Variants in PDK3 observed in about 807,000 individuals in gnomAD.
The protein encoded by PDK3 is pyruvate dehydrogenase kinase, isozyme 3.
In PDK3, 12 loss-of-function variants were observed where a neutral mutation model predicts 32.0. That is an observed-to-expected ratio of 0.37 (90% CI 0.24 to 0.61). The LOEUF is 0.61. Ranked by LOEUF, PDK3 falls within the 20% of genes least tolerant of loss-of-function variation. The pLI is 0.65. For synonymous variants in PDK3, 122 were observed against 116.3 expected (o/e 1.05, Z -0.31); for missense variants, 188 against 316.9 (o/e 0.59, Z 3.09).
intron 6 of PDK3, among the ~76,000 whole-genome samples, chrX:24,520,388 A>G (rs1429254461): frequency 8.9e-6 from 1 of 111,886 alleles, no homozygotes. Context: ...CGAATAACGT[A>G]TGGGAAAAAT....
chrX:24,471,284 A>C (rs762840765), intron 1 of PDK3, among the ~76,000 whole-genome samples: 6 of 112,461 alleles, frequency 5.3e-5, no homozygotes, highest in Non-Finnish European at 1.1e-4. Context: ...CTGCTTTAGC[A>C]GCTGATGTGT....
chrX:24,496,808 GTC>G, intron 2 of PDK3, among the ~76,000 whole-genome samples: 1 of 69,212 alleles, frequency 1.4e-5, no homozygotes, highest in Middle Eastern at 0.013. Context: ...TTGAGACAGA[GTC>G]TCTCTCTGTT....
At chrX:24,483,972 C>T (rs922693859) in intron 1 of PDK3, among the ~76,000 whole-genome samples, 4 of 110,752 alleles carry the variant, frequency 3.6e-5, no homozygotes, top group Admixed American at 9.6e-5. Context: ...CCCCGGCCTA[C>T]CACTGGGATT....
exon 12 of PDK3, chrX:24,549,133 G>A (rs960889282): frequency 5.4e-5 from 6 of 111,586 alleles, no homozygotes; most frequent in Admixed American, 3.8e-4. Flanking sequence ...TCACTTTAGG[G>A]ATTTGACAAA....
intron 1 of PDK3, among the ~76,000 whole-genome samples, chrX:24,490,527 T>A (rs1380321223): frequency 9.0e-6 from 1 of 111,510 alleles, no homozygotes; most frequent in Non-Finnish European, 1.9e-5. Flanking sequence ...CTCTGAAAAT[T>A]GAATTTCTTT....
At chrX:24,487,239 C>CA (rs1420045274) in intron 1 of PDK3, among the ~76,000 whole-genome samples, 3 of 112,268 alleles carry the variant, frequency 2.7e-5, no homozygotes, top group African/African-American at 9.7e-5. Flanking sequence ...CCTAGTAAAT[C>CA]AAAAAATTAA....
chrX:24,485,802 A>G (rs900431611), intron 1 of PDK3, among the ~76,000 whole-genome samples: 1 of 111,396 alleles, frequency 9.0e-6, no homozygotes, highest in African/African-American at 3.3e-5. Context: ...CTCCGCCAAG[A>G]GCCCCACAGG....
chrX:24,516,229 C>G (rs991103047), intron 5 of PDK3, among the ~76,000 whole-genome samples: 2 of 111,183 alleles, frequency 1.8e-5, no homozygotes, highest in South Asian at 3.8e-4. Context: ...TTACTTTGCA[C>G]GGTATTGATG....
chrX:24,468,387 A>T (rs771307279), intron 1 of PDK3, among the ~76,000 whole-genome samples: 1 of 111,544 alleles, frequency 9.0e-6, no homozygotes, highest in Admixed American at 9.5e-5. Flanking sequence ...CTCCCACTCC[A>T]AGTCGTGACA....
In PDK3 at chrX:24,494,801, C is replaced by T; in HGVS notation, c.166C>T (p.Arg56Trp). 1.7e-6 allele frequency: 2 copies of T among 1,195,100 alleles called. No homozygotes were observed. Among genetic ancestry groups the T allele is most frequent in the East Asian group, 3.0e-5 (1 of 33,704 alleles). The part of the protein sequence containing the change: ...YMFLRKELPV[R>W]LANTMREVNL... The stretch of plus-strand genomic sequence containing the variant: ...GTTTCTACGAAAGGAACTTCCTGTG[C>T]GGCTGGCTAACACAATGAGAGAAGT... The change falls in exon 2 of 11, where the codon CGG becomes TGG. Residue 56 changes from arginine (R) to tryptophan (W), a missense_variant. By Grantham distance (101) the Arg-to-Trp change is moderately radical. Coordinates refer to ENST00000379162, the MANE Select transcript of PDK3 (RefSeq NM_005391.5).
intron 3 of PDK3, among the ~76,000 whole-genome samples, chrX:24,499,790 A>G (rs1183789289): frequency 8.9e-6 from 1 of 112,106 alleles, no homozygotes; most frequent in Non-Finnish European, 1.9e-5. Flanking sequence ...TTTACGTCTG[A>G]GCCATGAGTA....
chrX:24,471,580 G>T (rs925149533), intron 1 of PDK3, among the ~76,000 whole-genome samples: 46 of 112,282 alleles, frequency 4.1e-4, no homozygotes, highest in African/African-American at 1.5e-3. Context: ...AGTGTGATAT[G>T]TCAGCTCTGC....
intron 1 of PDK3, among the ~76,000 whole-genome samples, chrX:24,480,465 C>T (rs2148182585): frequency 8.9e-6 from 1 of 112,120 alleles, no homozygotes; most frequent in East Asian, 2.8e-4. Flanking sequence ...TGGGGAGCGC[C>T]TGAAATGAGT....
rs760730336 is a variant in PDK3 at position 24,528,117 on chromosome X, T to C, written c.894T>C (p.Asp298=). 4 of 1,202,323 alleles carry C rather than the reference T, an allele frequency of 3.3e-6. No homozygotes were observed. The South Asian group carries it at 7.1e-5, about 21-fold the overall frequency. Residue 298 remains aspartate (D), a synonymous_variant, in exon 9 of 11, where the codon GAT becomes GAC. Transcript: ENST00000379162. ...LGGGVPLRKI[D]RLFNYMYSTA... is the part of the protein sequence containing the mutation. ...GTGGTGTCCCACTTCGAAAAATAGA[T>C]CGTCTTTTTAACTACATGTATTCTA...
chrX:24,521,343 C>A (rs1293792549), intron 6 of PDK3, among the ~76,000 whole-genome samples: 4 of 106,669 alleles, frequency 3.7e-5, no homozygotes, highest in Admixed American at 1.0e-4. Context: ...AAATGTATTT[C>A]TCTTATAATG....
Position 24,505,318 on chromosome X carries a change from G to A in PDK3, c.595+20G>A, listed in dbSNP as rs2148192422. Reference sequence around the variant, plus strand: ...TGAAAGGTAAGGAGACCGTTGTAATGGTATCGATCGTAGTTCAAATTGGAT... The same window carrying A: ...TGAAAGGTAAGGAGACCGTTGTAATAGTATCGATCGTAGTTCAAATTGGAT... On this transcript the variant is annotated intron_variant, in intron 5 of 10. Coordinates refer to ENST00000379162, the MANE Select transcript of PDK3 (RefSeq NM_005391.5). The A allele has an allele frequency of 1.8e-6, 2 of 1,106,615 alleles. No individual in the cohort carries two copies. The highest frequency in any genetic ancestry group is 2.5e-6 in the Non-Finnish European group (2 of 804,509). 91.2% of individuals were successfully genotyped at this position (1,106,615 alleles called of 1,213,427 possible). A position where few individuals can be genotyped will look rare whatever the true frequency, so the allele number is the denominator to read the frequency against.
At chrX:24,509,067 T>C (rs916660778) in intron 5 of PDK3, among the ~76,000 whole-genome samples, 13 of 112,188 alleles carry the variant, frequency 1.2e-4, no homozygotes, top group African/African-American at 4.2e-4. Context: ...CTGGAATTAT[T>C]CTTATACGCT....
intron 1 of PDK3, among the ~76,000 whole-genome samples, chrX:24,471,661 A>G (rs761329612): frequency 8.9e-6 from 1 of 112,351 alleles, no homozygotes; most frequent in Non-Finnish European, 1.9e-5. Flanking sequence ...GATCAAACAC[A>G]AGAGAAGTTA....
At position 24,503,413 on chromosome X, in the gene PDK3, A is replaced by G. The variant is rs1921910198; in HGVS notation, c.407A>G (p.Lys136Arg). ...CAAGGAGTGATTGAATACAAGGAGAAGTTTGGGTTTGATCCTTTCATTAGC... is the reference window on the plus strand; with the variant it reads ...CAAGGAGTGATTGAATACAAGGAGAGGTTTGGGTTTGATCCTTTCATTAGC... ...MAQGVIEYKE[K>R]FGFDPFISTN... The change falls in exon 4 of 11, where the codon AAG becomes AGG. Residue 136 changes from lysine to arginine, a missense_variant. Physicochemically the swap from Lys to Arg is conservative, Grantham distance 26. Transcript: ENST00000379162. 2 of 1,203,002 alleles carry G rather than the reference A, an allele frequency of 1.7e-6. No individual in the cohort carries two copies. Among genetic ancestry groups the G allele is most frequent in the Non-Finnish European group, 1.1e-6 (1 of 887,727 alleles).
Sources: gnomAD v4.1 joint callset for allele counts (sites outside exome capture counted in the v4.1 genomes callset) on GRCh38, gnomAD v4.1.1 for gene constraint, MANE v1.5 for transcripts, NCBI Gene and HGNC (gene_info 2026-07-23, HGNC 2026-07-21) for gene names.